The following SDK1 variants were observed in gnomAD, a reference collection of about 807,000 sequenced individuals.
SDK1 encodes sidekick cell adhesion molecule 1.
SDK1 carries 157 observed loss-of-function variants against 245.5 expected under a neutral mutation model. The observed-to-expected ratio is 0.64, with a 90% CI of 0.56 to 0.73. The LOEUF (loss-of-function observed/expected upper bound fraction) is 0.73, where lower values mean the gene tolerates loss of function less well. Ranked by LOEUF, SDK1 falls within the 30% of genes least tolerant of loss-of-function variation. The pLI is 0.00. For synonymous variants in SDK1, 1,647 were observed against 1,278.5 expected, an observed-to-expected ratio of 1.29 and a Z score of -6.15; for missense variants, 3,583 against 3,002.3, an observed-to-expected ratio of 1.19 and a Z score of -4.52.
chr7:3,889,462 C>T (rs1264886577), intron 5 of SDK1, among the ~76,000 whole-genome samples: 3 of 151,864 alleles, frequency 2.0e-5, no homozygotes. Flanking sequence ...TGGTGGTGTC[C>T]AGAGGTGGCA....
chr7:4,066,294 G>A (rs544051406), intron 19 of SDK1, among the ~76,000 whole-genome samples: 12 of 152,304 alleles, frequency 7.9e-5, no homozygotes, highest in African/African-American at 2.2e-4. Context: ...AATGGCAGGC[G>A]GGGAAGCAGG....
intron 44 of SDK1, among the ~76,000 whole-genome samples, chr7:4,251,496 A>T (rs1046171347): frequency 4.6e-5 from 7 of 152,336 alleles, no homozygotes; most frequent in South Asian, 2.1e-4. Context: ...ATAGCCTTGC[A>T]CTTATAGCAA....
At chr7:3,396,455 C>T (rs2128571873) in intron 1 of SDK1, among the ~76,000 whole-genome samples, 2 of 151,788 alleles carry the variant, frequency 1.3e-5, no homozygotes, top group Middle Eastern at 6.8e-3. Context: ...CTTCTGTCTA[C>T]TTGTTCTATT....
chr7:3,953,014 A>AG (rs1780953291), intron 7 of SDK1, among the ~76,000 whole-genome samples: 1 of 152,062 alleles, frequency 6.6e-6, no homozygotes, highest in African/African-American at 2.4e-5. Flanking sequence ...TGTTGATAAG[A>AG]GGTAGCCTTA....
In SDK1 at chr7:3,418,836, G is replaced by T. The variant is rs988609236; in HGVS notation, c.298+116952G>T. Among the ~76,000 whole-genome samples the T allele has an allele frequency of 5.2e-3, 796 of 152,160 alleles. 5 individuals are homozygous for T. The highest frequency in any genetic ancestry group is 0.018 in the African/African-American group (767 of 41,506). On this transcript the variant is annotated intron_variant, in intron 1 of 44. Coordinates refer to ENST00000404826, the MANE Select transcript of SDK1 (RefSeq NM_152744.4). ...TACAGTCGTCCCTCATTGTACACCGGGATCTCCCCTACCCCTCGCCTATGG... is the reference window on the plus strand; with the variant it reads ...TACAGTCGTCCCTCATTGTACACCGTGATCTCCCCTACCCCTCGCCTATGG...
intron 4 of SDK1, among the ~76,000 whole-genome samples, chr7:3,775,185 A>G (rs17133806): frequency 1.7e-3 from 252 of 152,316 alleles, no homozygotes; most frequent in African/African-American, 5.8e-3. Flanking sequence ...TAAAGTTCAA[A>G]TTAGAAGCTT....
chr7:3,592,504 G>C (rs1444656414), intron 1 of SDK1, among the ~76,000 whole-genome samples: 3 of 152,150 alleles, frequency 2.0e-5, no homozygotes, highest in Admixed American at 2.0e-4. Context: ...CGTCATTCTT[G>C]CGACATTTTA....
Position 3,487,920 on chromosome 7 carries a change from T to C in SDK1, c.299-131160T>C, listed in dbSNP as rs956111113. 7.9e-5 allele frequency among the ~76,000 whole-genome samples: 12 copies of C among 152,180 alleles called. No homozygotes were observed. The East Asian group carries it at 1.5e-3, about 20-fold the overall frequency. ...GAAAAATAGGTAAGGTATTCAAGTT[T>C]ATTAATGTAATGCTCTTTTAAGTGT... is the stretch of plus-strand genomic sequence containing the variant. On this transcript the variant is annotated intron_variant, in intron 1 of 44. Coordinates refer to ENST00000404826, the MANE Select transcript of SDK1 (RefSeq NM_152744.4).
At chr7:3,651,457 A>G (rs1463039640) in intron 4 of SDK1, among the ~76,000 whole-genome samples, 6 of 152,254 alleles carry the variant, frequency 3.9e-5, no homozygotes, top group Non-Finnish European at 7.3e-5. Flanking sequence ...AAGAGCAGAC[A>G]ATATGCAGCT....
At chr7:3,430,379 G>A (rs1028529407) in intron 1 of SDK1, among the ~76,000 whole-genome samples, 1 of 152,032 alleles carries the variant, frequency 6.6e-6, no homozygotes, top group African/African-American at 2.4e-5. Context: ...GACTACAAGC[G>A]TATTTCACAT....
At chr7:3,684,564 T>C (rs929356808) in intron 4 of SDK1, among the ~76,000 whole-genome samples, 2 of 152,222 alleles carry the variant, frequency 1.3e-5, no homozygotes, top group Non-Finnish European at 2.9e-5. Flanking sequence ...TATTATATCA[T>C]ACCCAAAATA....
chr7:3,636,374 C>T (rs543635281), intron 2 of SDK1, among the ~76,000 whole-genome samples: 17 of 152,258 alleles, frequency 1.1e-4, no homozygotes, highest in Admixed American at 3.3e-4. Flanking sequence ...GCTTCCCCTC[C>T]CCTGTACCCA....
At chr7:3,541,378 G>T (rs1779049242) in intron 1 of SDK1, among the ~76,000 whole-genome samples, 1 of 152,178 alleles carries the variant, frequency 6.6e-6, no homozygotes, top group South Asian at 2.1e-4. Context: ...CGTAATCTAA[G>T]CCATACGCTG....
chr7:3,790,686 A>G (rs913377764), intron 4 of SDK1, among the ~76,000 whole-genome samples: 1 of 152,104 alleles, frequency 6.6e-6, no homozygotes, highest in African/African-American at 2.4e-5. Context: ...CATGCCTGTG[A>G]TCCCAGCTAC....
Position 4,047,799 on chromosome 7 carries a change from T to C in SDK1, c.2603-1549T>C, listed in dbSNP as rs562378706. On this transcript the variant is annotated intron_variant, in intron 17 of 44. Transcript: ENST00000404826. ...CTGGTATGCAACCTAAGCTGTCTTA[T>C]GGGCTCAGGAAAAGTGATTGTTTTG... Among the ~76,000 whole-genome samples the C allele has an allele frequency of 2.6e-5, 4 of 152,376 alleles. No homozygotes were observed. In the East Asian group the frequency reaches 7.7e-4, roughly 29 times the overall value.
intron 22 of SDK1, among the ~76,000 whole-genome samples, chr7:4,104,101 C>G (rs980214476): frequency 4.6e-5 from 7 of 152,232 alleles, no homozygotes; most frequent in Non-Finnish European, 1.0e-4. Flanking sequence ...CCTCTGTGGC[C>G]CATGCTGGAG....
At chr7:3,634,702 G>A (rs1782400826) in intron 2 of SDK1, among the ~76,000 whole-genome samples, 1 of 152,204 alleles carries the variant, frequency 6.6e-6, no homozygotes, top group Non-Finnish European at 1.5e-5. Context: ...AACATAATTT[G>A]TGTAGGAATT....
At chr7:3,905,222 A>G (rs1207021940) in intron 5 of SDK1, among the ~76,000 whole-genome samples, 2 of 151,966 alleles carry the variant, frequency 1.3e-5, no homozygotes, top group Admixed American at 1.3e-4. Flanking sequence ...TTGTTATACC[A>G]CGGTTTATTC....
chr7:3,312,035 A>G (rs1242901761), intron 1 of SDK1, among the ~76,000 whole-genome samples: 1 of 152,200 alleles, frequency 6.6e-6, no homozygotes, highest in Non-Finnish European at 1.5e-5. Context: ...AAAGAGAACT[A>G]GAAAAACTTT....
Sources: gnomAD v4.1 joint callset for allele counts (sites outside exome capture counted in the v4.1 genomes callset) on GRCh38, gnomAD v4.1.1 for gene constraint, MANE v1.5 for transcripts, NCBI Gene and HGNC (gene_info 2026-07-23, HGNC 2026-07-21) for gene names.